NSD2: variants seen among roughly 807,000 people sequenced by gnomAD.
NSD2 encodes the protein nuclear receptor binding SET domain protein 2.
Under a neutral mutation model 139.0 loss-of-function variants are expected in NSD2, and 12 were observed. The ratio of observed to expected loss-of-function variants is 0.09; its 90% CI spans 0.06 to 0.14. NSD2 has a LOEUF of 0.14. Ranked by LOEUF, NSD2 falls within the 10% of genes least tolerant of loss-of-function variation. The pLI is 1.00. For synonymous variants in NSD2, 669 were observed against 648.7 expected (o/e 1.03, Z -0.48); for missense variants, 1,155 against 1,745.0 (o/e 0.66, Z 6.02).
intron 9 of NSD2, chr4:1,945,392 G>A (rs1196366099): frequency 2.9e-6 from 3 of 1,048,402 alleles, no homozygotes; most frequent in African/African-American, 2.2e-5. Context: ...TGCCCATGGT[G>A]TGTGTGTCCA....
chr4:1,886,557 C>A (rs1239464473), intron 1 of NSD2, among the ~76,000 whole-genome samples: 5 of 152,072 alleles, frequency 3.3e-5, no homozygotes, highest in African/African-American at 7.2e-5. Context: ...TGCGGCTGGG[C>A]GCGGTGACTC....
At chr4:1,953,987 ATTT>A (rs750322460) in intron 12 of NSD2, among the ~76,000 whole-genome samples, 1 of 133,264 alleles carries the variant, frequency 7.5e-6, no homozygotes, top group African/African-American at 2.8e-5. Context: ...ATTTTTGTAA[ATTT>A]TTTTTTTTTT....
Position 1,978,954 on chromosome 4 carries a change from C to T in NSD2, c.*45C>T. On this transcript the variant is annotated 3_prime_UTR_variant, in exon 22 of 22. Transcript: ENST00000508803. ...CGGATCCAGGGGCGGTGCAGGGCGG[C>T]CGGCCCTGCCTGCGGGAGAGGGCGA... is the stretch of plus-strand genomic sequence containing the variant. 6.9e-7 allele frequency: 1 copy of T among 1,448,676 alleles called. No individual in the cohort carries two copies. The highest frequency in any genetic ancestry group is 9.1e-7 in the Non-Finnish European group (1 of 1,098,624). The allele number at this position is 1,448,676 out of a possible 1,614,324, so 89.7% of individuals were successfully genotyped here.
rs28662327 is a variant in NSD2 at position 1,972,933 on chromosome 4, C to G, written c.3373-1930C>G. 0.063 allele frequency among the ~76,000 whole-genome samples: 9,600 copies of G among 152,138 alleles called. 1,049 individuals are homozygous for G. The highest frequency in any genetic ancestry group is 0.22 in the African/African-American group (9,171 of 41,452). ...AGTGGCACAATCTCAGCTCACTGCA[C>G]CCTCTGCCTCACAGGTTCAAGCCAT... On this transcript the variant is annotated intron_variant, in intron 18 of 21. Transcript: ENST00000508803. The surrounding 1 kb of genome is among the most constrained non-coding windows in gnomAD (Gnocchi z 4.0).
chr4:1,928,192 G>A (rs1291364060), intron 5 of NSD2, among the ~76,000 whole-genome samples: 3 of 151,558 alleles, frequency 2.0e-5, no homozygotes, highest in African/African-American at 7.3e-5. Flanking sequence ...CATGAGCCAT[G>A]TGTCCAGCTT....
chr4:1,890,018 A>G (rs1316975179), intron 1 of NSD2, among the ~76,000 whole-genome samples: 1 of 152,108 alleles, frequency 6.6e-6, no homozygotes, highest in East Asian at 1.9e-4. Flanking sequence ...CCTGGCAGCC[A>G]TTCTACTTCT....
chr4:1,893,985 C>T (rs560303196), intron 1 of NSD2: 2 of 152,386 alleles, frequency 1.3e-5, no homozygotes, highest in East Asian at 1.9e-4. Flanking sequence ...GGCTGCAGTA[C>T]AGCGGCATGC....
chr4:1,976,122 G>A lies in NSD2; in HGVS notation c.3622-353G>A, dbSNP rs1344876639. Among the ~76,000 whole-genome samples the A allele has an allele frequency of 6.6e-6, 1 of 152,162 alleles. No homozygotes were observed. Among genetic ancestry groups the A allele is most frequent in the Non-Finnish European group, 1.5e-5 (1 of 68,024 alleles). On this transcript the variant is annotated intron_variant, in intron 20 of 21. Coordinates refer to ENST00000508803, the MANE Select transcript of NSD2 (RefSeq NM_001042424.3). This position sits in a 1 kb window ranked among gnomAD's most constrained non-coding sequence, Gnocchi z 5.3. ...ACGTTCCTGTGGAATTTCCTAATGA[G>A]GAGACCCTGGGTGGCGGGCGGGAGC...
At chr4:1,926,204 G>T (rs1383973513) in intron 5 of NSD2, among the ~76,000 whole-genome samples, 1 of 149,966 alleles carries the variant, frequency 6.7e-6, no homozygotes, top group Non-Finnish European at 1.5e-5. Flanking sequence ...TGCCAGGCTG[G>T]AGTGCAGAGG....
intron 5 of NSD2, among the ~76,000 whole-genome samples, chr4:1,928,459 G>C (rs1198418879): frequency 6.6e-6 from 1 of 152,172 alleles, no homozygotes; most frequent in African/African-American, 2.4e-5. Context: ...GCGCTTTTGT[G>C]TTTTTAGAAC....
In NSD2 at chr4:1,952,193, G is replaced by T; in HGVS notation, c.2099G>T (p.Arg700Met). Residue 700 changes from arginine to methionine, a missense_variant, in exon 11 of 22, where the codon AGG (arginine) becomes ATG (methionine). Physicochemically the swap from Arg to Met is moderately conservative, Grantham distance 91. This residue lies in a region of NSD2 where 120 missense variants were observed against 239.3 expected (regional missense o/e 0.50). Coordinates refer to ENST00000508803, the MANE Select transcript of NSD2 (RefSeq NM_001042424.3). ...FHLACLGLSR[R>M]PEGRFTCSEC... ...CTCGCCTGCCTTGGGCTTTCCCGGA[G>T]GCCAGAAGGGAGGTTCACCTGCAGC... 1 of 1,614,024 alleles carries T rather than the reference G, an allele frequency of 6.2e-7. No individual in the cohort carries two copies. Among genetic ancestry groups the T allele is most frequent in the Non-Finnish European group, 8.5e-7 (1 of 1,180,016 alleles).
chr4:1,887,049 T>A (rs1715170114), intron 1 of NSD2, among the ~76,000 whole-genome samples: 1 of 152,140 alleles, frequency 6.6e-6, no homozygotes, highest in African/African-American at 2.4e-5. Flanking sequence ...AACAACAACC[T>A]GTATTTGTTT....
Position 1,980,926 on chromosome 4 carries a change from G to A in NSD2, c.*2017G>A, listed in dbSNP as rs533644226. 4.3e-6 allele frequency: 1 copy of A among 233,274 alleles called. No individual in the cohort carries two copies. Among genetic ancestry groups the A allele is most frequent in the South Asian group, 1.8e-4 (1 of 5,534 alleles). The allele number at this position is 233,274 out of a possible 1,614,324, so 14.5% of individuals were successfully genotyped here. On this transcript the variant is annotated 3_prime_UTR_variant, in exon 22 of 22. Coordinates refer to ENST00000508803, the MANE Select transcript of NSD2 (RefSeq NM_001042424.3). Reference sequence around the variant, plus strand: ...ACTTGGAAGGTTGTTCTAGGGACAGGCCGGGCAGTGTCCCCACACACACCT... The same window carrying A: ...ACTTGGAAGGTTGTTCTAGGGACAGACCGGGCAGTGTCCCCACACACACCT...
chr4:1,890,292 T>C (rs1488468474), intron 1 of NSD2, among the ~76,000 whole-genome samples: 2 of 152,090 alleles, frequency 1.3e-5, no homozygotes, highest in African/African-American at 4.8e-5. Flanking sequence ...TTTTTTTGTT[T>C]TGTTTTGTTT....
chr4:1,916,803 CAGT>C (rs1719458624), intron 3 of NSD2, 65 bp from the exon 4 acceptor site: 19 of 1,484,242 alleles, frequency 1.3e-5, no homozygotes, highest in Non-Finnish European at 1.6e-5. Flanking sequence ...TGCAAAATAG[CAGT>C]AGATTTGACT....
chr4:1,918,490 C>CGGCAGA lies in NSD2; in HGVS notation c.1281_1286dup (p.Glu428_Ala429dup). On this transcript the variant is annotated inframe_insertion, in exon 5 of 22. Transcript: ENST00000508803. The stretch of plus-strand genomic sequence containing the variant: ...ATAGGGAAGAGTACTCCTCAAAAGA[C>CGGCAGA]GGCAGAGGCTGACCCCAGAAGAGGA... 1 of 1,614,006 alleles carries CGGCAGA rather than the reference C, an allele frequency of 6.2e-7. No individual in the cohort carries two copies. The highest frequency in any genetic ancestry group is 8.5e-7 in the Non-Finnish European group (1 of 1,179,982).
At position 1,980,813 on chromosome 4, in the gene NSD2, GC is replaced by G. The variant is rs1171046467; in HGVS notation, c.*1905del. The G allele has an allele frequency of 1.3e-5, 3 of 233,172 alleles. No individual in the cohort carries two copies. Among genetic ancestry groups the G allele is most frequent in the African/African-American group, 6.6e-5 (3 of 45,342 alleles). The allele number at this position is 233,172 out of a possible 1,614,324, so 14.4% of individuals were successfully genotyped here. On this transcript the variant is annotated 3_prime_UTR_variant, in exon 22 of 22. Transcript: ENST00000508803. Reference sequence around the variant, plus strand: ...CCGGTTAAGACAGGGTGGGAGTAGTGCTTTCCAGTTCAGACTCTAACTTCTC... The same window carrying G: ...CCGGTTAAGACAGGGTGGGAGTAGTGTTTCCAGTTCAGACTCTAACTTCTC...
chr4:1,969,614 G>A (rs1463261356), intron 18 of NSD2, among the ~76,000 whole-genome samples: 1 of 151,980 alleles, frequency 6.6e-6, no homozygotes, highest in Admixed American at 6.6e-5. Context: ...GGCTGAGGTG[G>A]GAGTATCGCT....
At position 1,979,201 on chromosome 4, in the gene NSD2, C is replaced by T. The variant is rs374038888; in HGVS notation, c.*292C>T. On this transcript the variant is annotated 3_prime_UTR_variant, in exon 22 of 22. Transcript: ENST00000508803. ...CTCCGAATGTCAAGGTTCCCTCCCA[C>T]TCTATTTTTTTAGGTTAAAGTTAAT... The T allele has an allele frequency of 6.1e-5, 22 of 357,774 alleles. No homozygotes were observed. Among genetic ancestry groups the T allele is most frequent in the East Asian group, 1.7e-4 (4 of 23,986 alleles). The allele number at this position is 357,774 out of a possible 1,614,324, so 22.2% of individuals were successfully genotyped here. A position where few individuals can be genotyped will look rare whatever the true frequency, so the allele number is the denominator to read the frequency against.
Sources: allele counts gnomAD v4.1 joint callset (sites outside exome capture counted in the v4.1 genomes callset), GRCh38; gene constraint gnomAD v4.1.1; regional missense constraint gnomAD v4.1.1; non-coding constraint Gnocchi (gnomAD v3.1); transcripts MANE v1.5; gene names NCBI Gene and HGNC (gene_info 2026-07-23, HGNC 2026-07-21).